HSPBAP1: variants seen among roughly 807,000 people sequenced by gnomAD.
HSPBAP1 encodes the protein HSPB1 associated protein 1.
In HSPBAP1, 27 loss-of-function variants were observed where a neutral mutation model predicts 45.2. That is an observed-to-expected ratio of 0.60 (90% CI 0.44 to 0.82). The LOEUF is 0.82. HSPBAP1 is among the 40% of genes least tolerant of loss of function. The pLI is 0.00. For missense variants in HSPBAP1, 510 were observed against 590.9 expected, an observed-to-expected ratio of 0.86 and a Z score of 1.42; for synonymous variants, 204 against 202.7, an observed-to-expected ratio of 1.01 and a Z score of -0.06.
intron 3 of HSPBAP1, among the ~76,000 whole-genome samples, chr3:122,765,875 G>A (rs551126882): frequency 4.0e-4 from 61 of 152,232 alleles, no homozygotes; most frequent in African/African-American, 1.3e-3. Flanking sequence ...TTTTTATACT[G>A]CAACTAATGA....
chr3:122,753,810 CAGAA>C (rs1934245831), intron 5 of HSPBAP1: 1 of 985,136 alleles, frequency 1.0e-6, no homozygotes, highest in Non-Finnish European at 1.2e-6. Flanking sequence ...AAAGTGGTGA[CAGAA>C]AGAGCTGGGT....
At chr3:122,790,101 G>A (rs958806096) in intron 1 of HSPBAP1, among the ~76,000 whole-genome samples, 3 of 152,062 alleles carry the variant, frequency 2.0e-5, no homozygotes, top group African/African-American at 4.8e-5. Flanking sequence ...GAGCTCAAGC[G>A]ATCTGCCTGC....
chr3:122,759,214 C>CACACACACAT lies in HSPBAP1; in HGVS notation c.569+9_569+10insATGTGTGTGT. ...ACACACACACACACACACACACACA[C>CACACACACAT]ACACATTACCTTCCTTGTACCTGGA... On this transcript the variant is annotated intron_variant, in intron 4 of 7. Coordinates refer to ENST00000306103, the MANE Select transcript of HSPBAP1 (RefSeq NM_024610.6). The CACACACACAT allele has an allele frequency of 6.2e-7, 1 of 1,609,520 alleles. No individual in the cohort carries two copies. Among genetic ancestry groups the CACACACACAT allele is most frequent in the Non-Finnish European group, 8.5e-7 (1 of 1,177,888 alleles).
intron 6 of HSPBAP1, among the ~76,000 whole-genome samples, chr3:122,747,272 C>T (rs531023329): frequency 0.097 from 14,626 of 150,994 alleles, 673 homozygotes; most frequent in Non-Finnish European, 0.12. Flanking sequence ...GGCCGCCCAT[C>T]GTCTGAGATG....
chr3:122,775,082 A>C (rs935438559), intron 2 of HSPBAP1, among the ~76,000 whole-genome samples: 4 of 152,172 alleles, frequency 2.6e-5, no homozygotes, highest in African/African-American at 4.8e-5. Flanking sequence ...CCATTGAAAA[A>C]TCATACAATC....
chr3:122,762,720 G>T (rs1343194861), intron 3 of HSPBAP1, among the ~76,000 whole-genome samples: 1 of 152,118 alleles, frequency 6.6e-6, no homozygotes, highest in Non-Finnish European at 1.5e-5. Context: ...TAATTCTGTT[G>T]TGGTGAGAGA....
At chr3:122,774,055 T>C (rs978194692) in intron 2 of HSPBAP1, among the ~76,000 whole-genome samples, 2 of 152,262 alleles carry the variant, frequency 1.3e-5, no homozygotes, top group South Asian at 4.1e-4. Context: ...CTTAGCTGTA[T>C]GTTTCAAAGT....
At chr3:122,772,069 A>ATTTCC (rs1220781740) in intron 2 of HSPBAP1, among the ~76,000 whole-genome samples, 17 of 152,330 alleles carry the variant, frequency 1.1e-4, no homozygotes, top group African/African-American at 3.6e-4. Flanking sequence ...AGGCAAAAAT[A>ATTTCC]TTTCCTTCGT....
At chr3:122,743,013 G>A (rs1298883332) in intron 6 of HSPBAP1, among the ~76,000 whole-genome samples, 4 of 152,004 alleles carry the variant, frequency 2.6e-5, no homozygotes, top group Admixed American at 1.3e-4. Context: ...ATGGTGTATC[G>A]GAGTTCCTCA....
chr3:122,779,045 T>TC (rs1333147654), intron 1 of HSPBAP1, among the ~76,000 whole-genome samples: 2 of 151,600 alleles, frequency 1.3e-5, no homozygotes, highest in Non-Finnish European at 2.9e-5. Flanking sequence ...TTTTTCTTTT[T>TC]TTTTTGTGAG....
At chr3:122,751,581 C>T (rs2107504595) in intron 6 of HSPBAP1, among the ~76,000 whole-genome samples, 1 of 152,320 alleles carries the variant, frequency 6.6e-6, no homozygotes, top group Middle Eastern at 3.4e-3. Context: ...AAAAAGATGA[C>T]AGCTCTACTC....
chr3:122,768,554 C>G, intron 3 of HSPBAP1, 147 bp downstream of exon 3: 2 of 608,878 alleles, frequency 3.3e-6, no homozygotes, highest in South Asian at 4.3e-5. Flanking sequence ...TTCAGCAAAT[C>G]TTTTGGTTTG....
intron 1 of HSPBAP1, among the ~76,000 whole-genome samples, chr3:122,786,072 C>A (rs1935647237): frequency 6.6e-6 from 1 of 151,952 alleles, no homozygotes; most frequent in Non-Finnish European, 1.5e-5. Context: ...CAAATATGTT[C>A]ATCTTTGTGC....
At chr3:122,775,340 T>C (rs939459272) in intron 2 of HSPBAP1, among the ~76,000 whole-genome samples, 6 of 152,174 alleles carry the variant, frequency 3.9e-5, no homozygotes, top group Non-Finnish European at 8.8e-5. Context: ...AGGATTTGAA[T>C]AGACATTTTT....
At chr3:122,769,673 A>G (rs757019281) in intron 2 of HSPBAP1, among the ~76,000 whole-genome samples, 3 of 151,948 alleles carry the variant, frequency 2.0e-5, no homozygotes, top group Non-Finnish European at 4.4e-5. Flanking sequence ...GTTCGCCACT[A>G]TTTTTTTATT....
intron 2 of HSPBAP1, among the ~76,000 whole-genome samples, chr3:122,774,050 C>G (rs1576263692): frequency 1.3e-5 from 2 of 152,316 alleles, no homozygotes; most frequent in Non-Finnish European, 2.9e-5. Context: ...AAGCCCTTAG[C>G]TGTATGTTTC....
intron 2 of HSPBAP1, among the ~76,000 whole-genome samples, chr3:122,769,612 T>C (rs1432442755): frequency 1.3e-5 from 2 of 152,248 alleles, no homozygotes; most frequent in African/African-American, 4.8e-5. Context: ...CCTTTCAGGA[T>C]GTGATGTAGA....
intron 6 of HSPBAP1, among the ~76,000 whole-genome samples, chr3:122,746,815 G>A (rs980316777): frequency 1.3e-5 from 2 of 152,172 alleles, no homozygotes; most frequent in Non-Finnish European, 2.9e-5. Context: ...GCCACGCCTG[G>A]CTGGTTTTCG....
chr3:122,760,287 T>C (rs1374014161), intron 3 of HSPBAP1, among the ~76,000 whole-genome samples: 2 of 151,926 alleles, frequency 1.3e-5, no homozygotes, highest in African/African-American at 4.8e-5. Context: ...AACATACTAG[T>C]GAACCAGGCA....
Sources: gnomAD v4.1 joint callset for allele counts (sites outside exome capture counted in the v4.1 genomes callset) on GRCh38, gnomAD v4.1.1 for gene constraint, MANE v1.5 for transcripts, NCBI Gene and HGNC (gene_info 2026-07-23, HGNC 2026-07-21) for gene names.